Variants in SPTB observed in about 807,000 individuals in gnomAD.
SPTB encodes spectrin beta chain, erythrocytic.
SPTB carries 45 observed loss-of-function variants against 256.2 expected under a neutral mutation model. The observed-to-expected ratio is 0.18, with a 90% confidence interval of 0.14 to 0.23. The LOEUF is 0.23. Ranked by LOEUF, SPTB falls within the 10% of genes least tolerant of loss-of-function variation. The probability of loss-of-function intolerance (pLI) is 1.00; values close to 1 mark genes in which losing one functional copy is unlikely to be tolerated. For synonymous variants in SPTB, 1,231 were observed against 1,243.1 expected, an observed-to-expected ratio of 0.99 and a Z score of 0.21; for missense variants, 2,715 against 3,040.4, an observed-to-expected ratio of 0.89 and a Z score of 2.52.
Position 64,777,232 on chromosome 14 carries a change from G to A in SPTB, c.4564-1829C>T, listed in dbSNP as rs1018544486. On this transcript the variant is annotated intron_variant, in intron 22 of 35. Transcript: ENST00000644917. The surrounding 1 kb of genome is among the most constrained non-coding windows in gnomAD (Gnocchi z 4.5). ...TCTGGGGTGGACATGAGCTGGGACC[G>A]TCTGAGGCCACAGAGAGGGCCAGAA... 3.3e-5 allele frequency among the ~76,000 whole-genome samples: 5 copies of A among 152,200 alleles called. No homozygotes were observed. The highest frequency in any genetic ancestry group is 2.1e-4 in the South Asian group (1 of 4,826).
At position 64,801,712 on chromosome 14, in the gene SPTB, G is replaced by A. The variant is rs772530071; in HGVS notation, c.647+42C>T. 8 of 1,570,142 alleles carry A rather than the reference G, an allele frequency of 5.1e-6. No homozygotes were observed. The African/African-American group carries it at 9.5e-5, about 19-fold the overall frequency. On this transcript the variant is annotated intron_variant, in intron 6 of 35. Coordinates refer to ENST00000644917, the MANE Select transcript of SPTB (RefSeq NM_001355436.2). ...CAATGTGTCCAAATATTCCCAGGGA[G>A]GCTGTCTCAGTCAGTCCCCACGGCT...
At chr14:64,750,413 A>C (rs1322336314) in intron 33 of SPTB, among the ~76,000 whole-genome samples, 1 of 151,698 alleles carries the variant, frequency 6.6e-6, no homozygotes, top group Non-Finnish European at 1.5e-5. Context: ...TGGGTTATGG[A>C]TATATTCAAT....
intron 1 of SPTB, among the ~76,000 whole-genome samples, chr14:64,870,224 A>G (rs548341809): frequency 6.6e-6 from 1 of 152,258 alleles, no homozygotes; most frequent in Admixed American, 6.5e-5. Context: ...AGAAGGCAAC[A>G]TGTAAGTTTT....
At chr14:64,856,786 G>A (rs1210279042) in intron 1 of SPTB, among the ~76,000 whole-genome samples, 5 of 152,248 alleles carry the variant, frequency 3.3e-5, no homozygotes, top group African/African-American at 1.2e-4. Flanking sequence ...TTTGGTCTCA[G>A]AGGAGGGCAA....
In SPTB at chr14:64,794,304, G is replaced by T. The variant is rs576932076; in HGVS notation, c.1795+163C>A. Reference sequence around the variant, plus strand: ...TACCGAAGCAGTTGCCTGCTCTCTAGAGAATTTGGCTGGTCCCTCAAGCTT... The same window carrying T: ...TACCGAAGCAGTTGCCTGCTCTCTATAGAATTTGGCTGGTCCCTCAAGCTT... On this transcript the variant is annotated intron_variant, in intron 13 of 35. Coordinates refer to ENST00000644917, the MANE Select transcript of SPTB (RefSeq NM_001355436.2). Among the ~76,000 whole-genome samples, 3 of 152,338 alleles carry T rather than the reference G, an allele frequency of 2.0e-5. No homozygotes were observed. The South Asian group carries it at 6.2e-4, about 32-fold the overall frequency.
In SPTB at chr14:64,838,184, C is replaced by T. The variant is rs117243766; in HGVS notation, c.-51-15039G>A. ...GAAAGGATAGTCTTTTTAACAAATTCCGCTGGAACAACTGGACATCCATAT... is the reference window on the plus strand; with the variant it reads ...GAAAGGATAGTCTTTTTAACAAATTTCGCTGGAACAACTGGACATCCATAT... On this transcript the variant is annotated intron_variant, in intron 1 of 35. Coordinates refer to ENST00000644917, the MANE Select transcript of SPTB (RefSeq NM_001355436.2). 1.8e-4 allele frequency among the ~76,000 whole-genome samples: 28 copies of T among 152,238 alleles called. 1 individual carries two copies. The East Asian group carries it at 5.4e-3, about 29-fold the overall frequency.
chr14:64,860,422 A>G (rs1383696279), intron 1 of SPTB, among the ~76,000 whole-genome samples: 1 of 152,208 alleles, frequency 6.6e-6, no homozygotes, highest in African/African-American at 2.4e-5. Flanking sequence ...CACATTTCCA[A>G]GAGAAACAGG....
chr14:64,859,694 GTC>G (rs139838497), intron 1 of SPTB, among the ~76,000 whole-genome samples: 14 of 52,924 alleles, frequency 2.6e-4, no homozygotes, highest in Admixed American at 1.2e-3. Flanking sequence ...CTCTCTCTCT[GTC>G]TCTCTCTCTC....
intron 15 of SPTB, among the ~76,000 whole-genome samples, chr14:64,789,195 A>C (rs1015565216): frequency 6.6e-6 from 1 of 152,124 alleles, no homozygotes; most frequent in Non-Finnish European, 1.5e-5. Context: ...TACAAAAAAA[A>C]CAAAAAATTA....
chr14:64,800,835 A>G lies in SPTB; in HGVS notation c.797T>C (p.Ile266Thr). The G allele has an allele frequency of 2.5e-6, 4 of 1,614,190 alleles. No homozygotes were observed. The highest frequency in any genetic ancestry group is 3.4e-6 in the Non-Finnish European group (4 of 1,180,036). Residue 266 changes from isoleucine to threonine, a missense_variant, in exon 8 of 36, where the codon ATC becomes ACC. This residue lies in a region of SPTB where 416 missense variants were observed against 571.1 expected (regional missense o/e 0.73). Transcript: ENST00000644917. ...VFTENPDEKS[I>T]ITYVVAFYHY... Reference sequence around the variant, plus strand: ...GTAAAAGGCCACCACATAGGTGATGATGGATTTCTCATCAGGGTTTTCCGT... The same window carrying G: ...GTAAAAGGCCACCACATAGGTGATGGTGGATTTCTCATCAGGGTTTTCCGT...
intron 3 of SPTB, 110 bp from the exon 4 acceptor site, chr14:64,803,890 C>A: frequency 1.7e-6 from 2 of 1,164,554 alleles, no homozygotes; most frequent in Non-Finnish European, 2.4e-6. Context: ...CCCTCTTGGC[C>A]AAACACCAAG....
intron 8 of SPTB, 56 bp from the exon 9 acceptor site, chr14:64,799,990 A>G: frequency 3.1e-6 from 5 of 1,595,260 alleles, no homozygotes; most frequent in Non-Finnish European, 4.3e-6. Flanking sequence ...ACCACTGAGG[A>G]TATCAATGAG....
In SPTB at chr14:64,773,284, C is replaced by T; in HGVS notation, c.5114G>A (p.Trp1705Ter). 1 of 1,614,242 alleles carries T rather than the reference C, an allele frequency of 6.2e-7. No homozygotes were observed. The highest frequency in any genetic ancestry group is 8.5e-7 in the Non-Finnish European group (1 of 1,180,044). The change falls in exon 25 of 36, where the codon TGG (tryptophan) becomes TAG (stop). Residue 1705 changes from tryptophan (W) to a stop codon, truncating the protein, a stop_gained. Transcript: ENST00000644917. LOFTEE classifies it high-confidence loss of function. ...GGCCACTAGCTCCTTTTCTGAAATC[C>T]ACTGCTCCAGGTCGTCGGTCTCCCG... ...LKRETDDLEQ[W>*]ISEKELVASS...
chr14:64,761,097 C>T (rs1234276808), intron 32 of SPTB, among the ~76,000 whole-genome samples: 3 of 152,310 alleles, frequency 2.0e-5, no homozygotes, highest in South Asian at 4.1e-4. Flanking sequence ...CCTTAGGCAA[C>T]CAAAGAGTGC....
chr14:64,836,090 G>A (rs965469416), intron 1 of SPTB, among the ~76,000 whole-genome samples: 7 of 152,180 alleles, frequency 4.6e-5, no homozygotes, highest in African/African-American at 1.7e-4. Context: ...GGTCGAATGA[G>A]CAGAAATGAT....
rs552884843 is a variant in SPTB at position 64,823,484 on chromosome 14, C to G, written c.-51-339G>C. Among the ~76,000 whole-genome samples the G allele has an allele frequency of 4.1e-4, 62 of 152,272 alleles. No homozygotes were observed. Among genetic ancestry groups the G allele is most frequent in the African/African-American group, 1.5e-3 (61 of 41,554 alleles). On this transcript the variant is annotated intron_variant, in intron 1 of 35. Coordinates refer to ENST00000644917, the MANE Select transcript of SPTB (RefSeq NM_001355436.2). The surrounding 1 kb of genome is among the most constrained non-coding windows in gnomAD (Gnocchi z 6.5). ...AGCACCCCGGGAGAGAGGAAGCTCT[C>G]CTGGGAGCCAGAGGCAGCAGGGCAC...
chr14:64,823,632 C>T lies in SPTB; in HGVS notation c.-51-487G>A, dbSNP rs2083332872. ...GGCTGAGTCTGACCCATATGGGAAC[C>T]ATGGGGAGAGATGGATGAGAGAGTT... On this transcript the variant is annotated intron_variant, in intron 1 of 35. Transcript: ENST00000644917. The surrounding 1 kb of genome is among the most constrained non-coding windows in gnomAD (Gnocchi z 6.5). 6.6e-6 allele frequency among the ~76,000 whole-genome samples: 1 copy of T among 152,150 alleles called. No individual in the cohort carries two copies. The highest frequency in any genetic ancestry group is 2.4e-5 in the African/African-American group (1 of 41,454).
chr14:64,751,358 G>A (rs539882040), intron 33 of SPTB, among the ~76,000 whole-genome samples: 31 of 151,956 alleles, frequency 2.0e-4, no homozygotes, highest in Admixed American at 1.7e-3. Context: ...GACCTCAGGC[G>A]ATCCACCCAC....
At chr14:64,812,677 A>C (rs927866974) in intron 2 of SPTB, among the ~76,000 whole-genome samples, 6 of 151,944 alleles carry the variant, frequency 3.9e-5, no homozygotes, top group African/African-American at 1.5e-4. Context: ...CCACTGCAGC[A>C]CCTGCTTCAC....
Sources: allele counts gnomAD v4.1 joint callset (sites outside exome capture counted in the v4.1 genomes callset), GRCh38; gene constraint gnomAD v4.1.1; regional missense constraint gnomAD v4.1.1; non-coding constraint Gnocchi (gnomAD v3.1); transcripts MANE v1.5; gene names NCBI Gene and HGNC (gene_info 2026-07-23, HGNC 2026-07-21).